UNC13C: variants seen among roughly 807,000 people sequenced by gnomAD.
UNC13C encodes protein unc-13 homolog C.
Under a neutral mutation model 245.4 loss-of-function variants are expected in UNC13C, and 174 were observed. The observed-to-expected ratio is 0.71, with a 90% CI of 0.63 to 0.80. UNC13C has a LOEUF of 0.80. Ranked by LOEUF, UNC13C falls within the 30% of genes least tolerant of loss-of-function variation. UNC13C has a pLI of 0.00. For missense variants in UNC13C, 2,829 were observed against 2,602.9 expected, an observed-to-expected ratio of 1.09 and a Z score of -1.89; for synonymous variants, 992 against 895.1, an observed-to-expected ratio of 1.11 and a Z score of -1.93.
rs376364308 is a variant in UNC13C, at chr15:54,429,909, T to A, written c.4933+14842T>A. The stretch of plus-strand genomic sequence containing the variant: ...TTTGATTTGGAGAATAAAACTGAAT[T>A]TTAATGGTATTTTATCTTTTATACT... On this transcript the variant is annotated intron_variant, in intron 19 of 32. Coordinates refer to ENST00000260323, the MANE Select transcript of UNC13C (RefSeq NM_001080534.3). Among the ~76,000 whole-genome samples the A allele has an allele frequency of 4.6e-5, 7 of 151,788 alleles. 1 individual carries two copies. The highest frequency in any genetic ancestry group is 2.0e-4 in the East Asian group (1 of 5,126).
chr15:53,940,378 C>G, the UNC13C span, among the ~76,000 whole-genome samples: 1 of 152,064 alleles, frequency 6.6e-6, no homozygotes, highest in Admixed American at 6.6e-5. Context: ...TAGGGAAAAG[C>G]TGGAAGCATT....
the UNC13C span, among the ~76,000 whole-genome samples, chr15:53,884,590 C>T: frequency 6.6e-6 from 1 of 152,156 alleles, no homozygotes; most frequent in Admixed American, 6.6e-5. Flanking sequence ...CTGCCATGGC[C>T]TCCCAAAATG....
At chr15:53,873,917 TTCCTTTCTTC>T in the UNC13C span, among the ~76,000 whole-genome samples, 2 of 20,022 alleles carry the variant, frequency 1.0e-4, no homozygotes, top group East Asian at 5.7e-3. Flanking sequence ...CCTTCCTTCC[TTCCTTTCTTC>T]CTTCCTTCCT....
At chr15:54,292,052 T>C (rs1355639512) in intron 10 of UNC13C, among the ~76,000 whole-genome samples, 1 of 151,990 alleles carries the variant, frequency 6.6e-6, no homozygotes, top group African/African-American at 2.4e-5. Flanking sequence ...GTTCAAATAT[T>C]ATAGTTCAAA....
At chr15:53,960,525 A>T in the UNC13C span, among the ~76,000 whole-genome samples, 1 of 152,160 alleles carries the variant, frequency 6.6e-6, no homozygotes. Context: ...ATAGTCTGGA[A>T]TGTACATATG....
intron 4 of UNC13C, among the ~76,000 whole-genome samples, chr15:54,199,978 G>T (rs1238057071): frequency 2.0e-5 from 3 of 151,950 alleles, no homozygotes; most frequent in Non-Finnish European, 1.5e-5. Context: ...AAACTTAAAG[G>T]GGTGGAAAAA....
chr15:54,282,933 C>T (rs543544969), intron 10 of UNC13C, among the ~76,000 whole-genome samples: 1 of 152,042 alleles, frequency 6.6e-6, no homozygotes, highest in East Asian at 1.9e-4. Flanking sequence ...TTTATAGGCA[C>T]AGGATGGTGT....
chr15:54,268,520 C>T (rs919050652), intron 10 of UNC13C, among the ~76,000 whole-genome samples: 11 of 152,042 alleles, frequency 7.2e-5, no homozygotes, highest in African/African-American at 2.2e-4. Flanking sequence ...GCAAATGTTA[C>T]TTTGTTGCTT....
intron 8 of UNC13C, among the ~76,000 whole-genome samples, chr15:54,262,248 T>C (rs2036444979): frequency 1.3e-5 from 2 of 152,218 alleles, no homozygotes; most frequent in South Asian, 4.1e-4. Flanking sequence ...ACTTTAGCAC[T>C]CCTTCCTAGA....
chr15:53,901,058 T>C, the UNC13C span, among the ~76,000 whole-genome samples: 1 of 152,006 alleles, frequency 6.6e-6, no homozygotes, highest in African/African-American at 2.4e-5. Context: ...TAAAGTATAA[T>C]AATAATTATT....
At chr15:54,610,870 T>C (rs758439607) in intron 30 of UNC13C, among the ~76,000 whole-genome samples, 8 of 152,338 alleles carry the variant, frequency 5.3e-5, no homozygotes, top group African/African-American at 1.4e-4. Flanking sequence ...AAATTTGTGT[T>C]TCAATGACCA....
intron 19 of UNC13C, among the ~76,000 whole-genome samples, chr15:54,454,955 A>G (rs1043471479): frequency 5.3e-5 from 8 of 151,644 alleles, no homozygotes; most frequent in Non-Finnish European, 1.2e-4. Flanking sequence ...GTAGTCTTTT[A>G]TCCCTTACCA....
intron 4 of UNC13C, among the ~76,000 whole-genome samples, chr15:54,172,727 T>A (rs76102502): frequency 1.2e-3 from 54 of 44,502 alleles, no homozygotes; most frequent in African/African-American, 2.1e-3. Context: ...TATATATATA[T>A]ATATATATAT....
At chr15:54,159,764 A>G (rs2032898665) in intron 4 of UNC13C, among the ~76,000 whole-genome samples, 1 of 152,200 alleles carries the variant, frequency 6.6e-6, no homozygotes, top group Non-Finnish European at 1.5e-5. Context: ...ACATCAGCTA[A>G]GAAACATGAG....
chr15:54,040,840 A>G (rs1227055282), intron 2 of UNC13C, among the ~76,000 whole-genome samples: 1 of 152,130 alleles, frequency 6.6e-6, no homozygotes, highest in Non-Finnish European at 1.5e-5. Flanking sequence ...TGCCTCAGGT[A>G]TTCACTTGGC....
rs568588938 is a variant in UNC13C, at chr15:54,230,383, C to G, written c.3072-4647C>G. Among the ~76,000 whole-genome samples the G allele has an allele frequency of 1.3e-4, 20 of 151,950 alleles. No individual in the cohort carries two copies. The East Asian group carries it at 3.9e-3, about 29-fold the overall frequency. On this transcript the variant is annotated intron_variant, in intron 4 of 32. Coordinates refer to ENST00000260323, the MANE Select transcript of UNC13C (RefSeq NM_001080534.3). ...TTTATATCCTGCTTGATAGTTTTCA[C>G]GTGATATTTTCATGGTGTCTTCTCA...
At chr15:54,339,254 C>CTAT (rs1402071489) in intron 17 of UNC13C, among the ~76,000 whole-genome samples, 2 of 152,014 alleles carry the variant, frequency 1.3e-5, no homozygotes, top group Non-Finnish European at 2.9e-5. Context: ...GTAGTAATGG[C>CTAT]TATTATTATT....
intron 2 of UNC13C, among the ~76,000 whole-genome samples, chr15:54,080,928 T>A (rs1419710005): frequency 6.6e-6 from 1 of 151,970 alleles, no homozygotes; most frequent in Non-Finnish European, 1.5e-5. Context: ...TTTCTTTCTT[T>A]TTGGTGTAGG....
In UNC13C at chr15:54,625,604, C is replaced by T. The variant is rs970367271; in HGVS notation, c.6360-1224C>T. Among the ~76,000 whole-genome samples, 15 of 152,200 alleles carry T rather than the reference C, an allele frequency of 9.9e-5. No individual in the cohort carries two copies. The East Asian group carries it at 2.5e-3, about 25-fold the overall frequency. On this transcript the variant is annotated intron_variant, in intron 32 of 32. Coordinates refer to ENST00000260323, the MANE Select transcript of UNC13C (RefSeq NM_001080534.3). ...AGAGGTTAAGAGGCCTAGGACAAAG[C>T]CCTAAGGATTTACACGCCAATACAC...
Sources: gnomAD v4.1 joint callset for allele counts (sites outside exome capture counted in the v4.1 genomes callset) on GRCh38, gnomAD v4.1.1 for gene constraint, MANE v1.5 for transcripts, NCBI Gene and HGNC (gene_info 2026-07-23, HGNC 2026-07-21) for gene names.